CACNA2D3: variants seen among roughly 807,000 people sequenced by gnomAD.
CACNA2D3 encodes the protein voltage-dependent calcium channel subunit alpha-2/delta-3.
CACNA2D3 carries 60 observed loss-of-function variants against 160.6 expected under a neutral mutation model. That is an observed-to-expected ratio of 0.37 (90% CI 0.30 to 0.46). The LOEUF is 0.46. Among genes scored for constraint, CACNA2D3 ranks in the 20% least tolerant of loss-of-function variants. The pLI is 1.00. For synonymous variants in CACNA2D3, 558 were observed against 492.9 expected (o/e 1.13, Z -1.75); for missense variants, 1,205 against 1,365.0 (o/e 0.88, Z 1.85).
At chr3:54,765,412 AG>A in intron 13 of CACNA2D3, among the ~76,000 whole-genome samples, 1 of 152,208 alleles carries the variant, frequency 6.6e-6, no homozygotes, top group Non-Finnish European at 1.5e-5. Flanking sequence ...ATGAATGTTG[AG>A]CTGAAAAGGC....
chr3:54,498,462 T>C (rs1701238255), intron 4 of CACNA2D3, among the ~76,000 whole-genome samples: 1 of 151,994 alleles, frequency 6.6e-6, no homozygotes, highest in African/African-American at 2.4e-5. Flanking sequence ...TATTTTCTGC[T>C]TTCTTACTTT....
At chr3:54,712,489 G>A (rs970558167) in intron 11 of CACNA2D3, among the ~76,000 whole-genome samples, 5 of 152,110 alleles carry the variant, frequency 3.3e-5, no homozygotes, top group Non-Finnish European at 7.4e-5. Flanking sequence ...TAAGTCTCTC[G>A]AGATCTGATG....
At chr3:54,248,550 C>G (rs117839531) in intron 2 of CACNA2D3, among the ~76,000 whole-genome samples, 1 of 151,240 alleles carries the variant, frequency 6.6e-6, no homozygotes, top group Non-Finnish European at 1.5e-5. Context: ...CCAGTAGGAC[C>G]GATGTCCTTA....
rs79242964 is a variant in CACNA2D3 at position 54,228,174 on chromosome 3, A to G, written c.205-92268A>G. Reference sequence around the variant, plus strand: ...AATAGTGGACTTTCAGAGCTTCCAGAGACTTGGTCTATTCTCCTGATTTTA... The same window carrying G: ...AATAGTGGACTTTCAGAGCTTCCAGGGACTTGGTCTATTCTCCTGATTTTA... On this transcript the variant is annotated intron_variant, in intron 2 of 37. Coordinates refer to ENST00000474759, the MANE Select transcript of CACNA2D3 (RefSeq NM_018398.3). 3.4e-3 allele frequency among the ~76,000 whole-genome samples: 522 copies of G among 152,266 alleles called. 5 individuals carry two copies. The highest frequency in any genetic ancestry group is 0.011 in the African/African-American group (475 of 41,552).
chr3:54,484,435 C>G (rs540687398), intron 4 of CACNA2D3, among the ~76,000 whole-genome samples: 34 of 152,078 alleles, frequency 2.2e-4, no homozygotes, highest in African/African-American at 7.0e-4. Flanking sequence ...GTTGAAGATG[C>G]TAGGTAGTGA....
intron 11 of CACNA2D3, among the ~76,000 whole-genome samples, chr3:54,688,280 A>C (rs1700507610): frequency 6.6e-6 from 1 of 152,176 alleles, no homozygotes; most frequent in African/African-American, 2.4e-5. Context: ...TATTAGCTCA[A>C]ATAGAAGCCA....
intron 2 of CACNA2D3, among the ~76,000 whole-genome samples, chr3:54,173,056 G>T (rs570246785): frequency 6.6e-6 from 1 of 152,286 alleles, no homozygotes; most frequent in South Asian, 2.1e-4. Context: ...AGGGATGGGG[G>T]CATTTATGGC....
rs1199586515 is a variant in CACNA2D3 at position 54,805,643 on chromosome 3, T to G, written c.1381-11210T>G. ...GAGGTACAAAGAGGAATTGGTACCA[T>G]TCCTTCTGAAACTATTCCAGTCAAT... On this transcript the variant is annotated intron_variant, in intron 13 of 37. Transcript: ENST00000474759. Among the ~76,000 whole-genome samples, 5 of 152,326 alleles carry G rather than the reference T, an allele frequency of 3.3e-5. No homozygotes were observed. The East Asian group carries it at 9.7e-4, about 29-fold the overall frequency.
chr3:54,486,867 A>T (rs763223137), intron 4 of CACNA2D3, among the ~76,000 whole-genome samples: 3 of 152,156 alleles, frequency 2.0e-5, no homozygotes, highest in Admixed American at 1.3e-4. Flanking sequence ...TTCTGAAACA[A>T]GGGAGGAGAG....
chr3:54,637,513 G>C (rs1362940744), intron 10 of CACNA2D3, among the ~76,000 whole-genome samples: 3 of 151,928 alleles, frequency 2.0e-5, no homozygotes, highest in Non-Finnish European at 2.9e-5. Context: ...GCTTTAAAGA[G>C]TATTGTCTAA....
At chr3:54,741,365 T>C (rs1383910024) in intron 11 of CACNA2D3, among the ~76,000 whole-genome samples, 1 of 152,198 alleles carries the variant, frequency 6.6e-6, no homozygotes, top group East Asian at 1.9e-4. Flanking sequence ...GCCCCTCAAG[T>C]CCCAAACATT....
intron 27 of CACNA2D3, among the ~76,000 whole-genome samples, chr3:54,957,414 GC>G (rs1559644792): frequency 6.6e-6 from 1 of 152,088 alleles, no homozygotes; most frequent in Non-Finnish European, 1.5e-5. Flanking sequence ...CTCCTAAAGT[GC>G]TGGGATTACA....
At chr3:55,017,790 A>T (rs1160508882) in intron 34 of CACNA2D3, among the ~76,000 whole-genome samples, 1 of 152,260 alleles carries the variant, frequency 6.6e-6, no homozygotes, top group African/African-American at 2.4e-5. Context: ...TCATATTTCA[A>T]TTTTCTTTCT....
chr3:55,021,424 C>T (rs1339312388), intron 35 of CACNA2D3, among the ~76,000 whole-genome samples: 2 of 151,600 alleles, frequency 1.3e-5, no homozygotes, highest in African/African-American at 4.8e-5. Flanking sequence ...CCTTTCCATA[C>T]TGCCAGAGAT....
At chr3:55,021,617 G>A (rs358036) in intron 35 of CACNA2D3, among the ~76,000 whole-genome samples, 8,052 of 124,438 alleles carry the variant, frequency 0.065, 674 homozygotes, top group African/African-American at 0.29. Context: ...ATATATATAT[G>A]TGTGTGTGTA....
chr3:54,183,339 T>A (rs1322229347), intron 2 of CACNA2D3, among the ~76,000 whole-genome samples: 1 of 151,136 alleles, frequency 6.6e-6, no homozygotes, highest in Admixed American at 6.6e-5. Context: ...TAAGCAGCTG[T>A]GGGGTTTGTG....
chr3:54,198,936 A>G (rs1559879670), intron 2 of CACNA2D3, among the ~76,000 whole-genome samples: 2 of 152,230 alleles, frequency 1.3e-5, no homozygotes, highest in African/African-American at 4.8e-5. Context: ...TGTTGTGGAA[A>G]AGAAGGCTGC....
intron 3 of CACNA2D3, among the ~76,000 whole-genome samples, chr3:54,329,465 A>G (rs1704195882): frequency 1.3e-5 from 2 of 152,226 alleles, no homozygotes; most frequent in Non-Finnish European, 2.9e-5. Flanking sequence ...ACTGCAAAGC[A>G]ACTGTGGGGT....
intron 4 of CACNA2D3, among the ~76,000 whole-genome samples, chr3:54,418,567 T>C (rs1699792977): frequency 1.3e-5 from 2 of 152,246 alleles, no homozygotes; most frequent in African/African-American, 4.8e-5. Context: ...CTGCCTCTGC[T>C]GTTTGCTGAT....
Sources: gnomAD v4.1 joint callset for allele counts (sites outside exome capture counted in the v4.1 genomes callset) on GRCh38, gnomAD v4.1.1 for gene constraint, MANE v1.5 for transcripts, NCBI Gene and HGNC (gene_info 2026-07-23, HGNC 2026-07-21) for gene names.